Variants in GSE1 observed in about 807,000 individuals in gnomAD.
GSE1 encodes the protein Gse1 coiled-coil protein.
GSE1 carries 32 observed loss-of-function variants against 112.6 expected under a neutral mutation model. The observed-to-expected ratio is 0.28, with a 90% CI of 0.21 to 0.38. GSE1 has a LOEUF of 0.38. Ranked by LOEUF, GSE1 falls within the 10% of genes least tolerant of loss-of-function variation. The pLI is 1.00. For synonymous variants in GSE1, 1,115 were observed against 735.6 expected, an observed-to-expected ratio of 1.52 and a Z score of -8.35; for missense variants, 2,348 against 1,699.2, an observed-to-expected ratio of 1.38 and a Z score of -6.71.
At chr16:85,178,990 G>A (rs1389652292) in intron 1 of GSE1, among the ~76,000 whole-genome samples, 2 of 152,096 alleles carry the variant, frequency 1.3e-5, no homozygotes, top group Admixed American at 6.5e-5. Flanking sequence ...GGTTTTTGTT[G>A]TTGTTTTAAT....
intron 2 of GSE1, among the ~76,000 whole-genome samples, chr16:85,379,147 G>A (rs1448170162): frequency 6.6e-6 from 1 of 152,168 alleles, no homozygotes; most frequent in Non-Finnish European, 1.5e-5. Flanking sequence ...CCGGGGCCCG[G>A]CCTACCTCTT....
intron 1 of GSE1, among the ~76,000 whole-genome samples, chr16:85,587,024 C>T (rs1004306647): frequency 1.1e-4 from 17 of 152,204 alleles, no homozygotes; most frequent in South Asian, 2.1e-4. Context: ...TCGCATCACC[C>T]CTCTAAGATG....
At chr16:85,606,199 C>T (rs1258234070) in intron 1 of GSE1, among the ~76,000 whole-genome samples, 3 of 152,206 alleles carry the variant, frequency 2.0e-5, no homozygotes, top group Non-Finnish European at 4.4e-5. Context: ...CAGACCACTC[C>T]GGAACACATG....
At chr16:85,498,689 C>A (rs1485379275) in intron 2 of GSE1, among the ~76,000 whole-genome samples, 1 of 152,264 alleles carries the variant, frequency 6.6e-6, no homozygotes, top group African/African-American at 2.4e-5. Context: ...CGACAGCACA[C>A]AGTGGTGGCT....
intron 2 of GSE1, among the ~76,000 whole-genome samples, chr16:85,484,322 T>A (rs2050769925): frequency 6.6e-6 from 1 of 152,232 alleles, no homozygotes; most frequent in Admixed American, 6.5e-5. Context: ...AGGACTCAGA[T>A]GGGAGCCTGG....
chr16:85,593,179 G>A (rs575312495), intron 1 of GSE1: 3 of 152,330 alleles, frequency 2.0e-5, no homozygotes, highest in South Asian at 2.1e-4. Flanking sequence ...CTGGTCTATC[G>A]AGTGGGTCAT....
intron 2 of GSE1, among the ~76,000 whole-genome samples, chr16:85,420,942 G>A (rs1337397385): frequency 1.3e-5 from 2 of 152,160 alleles, no homozygotes; most frequent in African/African-American, 2.4e-5. Context: ...CCTGCAGGGG[G>A]CGCGCTGCAG....
chr16:85,375,885 A>C (rs992638967), intron 2 of GSE1, among the ~76,000 whole-genome samples: 15 of 152,196 alleles, frequency 9.9e-5, no homozygotes, highest in Non-Finnish European at 1.8e-4. Flanking sequence ...TCTCGTGCGC[A>C]TGTCAACTCC....
At chr16:85,391,781 GC>G (rs1464936935) in intron 2 of GSE1, among the ~76,000 whole-genome samples, 6 of 152,298 alleles carry the variant, frequency 3.9e-5, no homozygotes, top group East Asian at 3.9e-4. Context: ...TGGAGTAGAT[GC>G]TTGTGGGGCC....
chr16:85,192,658 G>A (rs1320643382), intron 1 of GSE1, among the ~76,000 whole-genome samples: 5 of 152,166 alleles, frequency 3.3e-5, no homozygotes, highest in East Asian at 1.9e-4. Flanking sequence ...GCCTAAGCTC[G>A]TCGGGCACTG....
At chr16:85,437,676 C>T (rs935925093) in intron 2 of GSE1, among the ~76,000 whole-genome samples, 1 of 152,182 alleles carries the variant, frequency 6.6e-6, no homozygotes, top group Admixed American at 6.5e-5. Flanking sequence ...TCCTGCCCCA[C>T]CTGGACCTGT....
At chr16:85,312,732 G>A (rs945277664) in intron 1 of GSE1, among the ~76,000 whole-genome samples, 1 of 151,962 alleles carries the variant, frequency 6.6e-6, no homozygotes, top group Non-Finnish European at 1.5e-5. Flanking sequence ...GAGGAGAGGA[G>A]GAGGCGGACG....
chr16:85,584,443 G>C (rs1350677418), intron 1 of GSE1, among the ~76,000 whole-genome samples: 1 of 152,218 alleles, frequency 6.6e-6, no homozygotes, highest in South Asian at 2.1e-4. Flanking sequence ...GTTTGTTTCA[G>C]TAATTTACAC....
chr16:85,565,589 G>A (rs1598204599), intron 1 of GSE1, among the ~76,000 whole-genome samples: 1 of 152,162 alleles, frequency 6.6e-6, no homozygotes, highest in Non-Finnish European at 1.5e-5. Context: ...GAGAGAAGGG[G>A]AAGGGTGAGA....
At chr16:85,528,872 G>A (rs1175943350) in intron 2 of GSE1, among the ~76,000 whole-genome samples, 2 of 152,184 alleles carry the variant, frequency 1.3e-5, no homozygotes, top group Non-Finnish European at 2.9e-5. Flanking sequence ...AAAAAGGGAA[G>A]AGCTGGTGCA....
At chr16:85,174,159 G>C (rs1277684249) in intron 1 of GSE1, among the ~76,000 whole-genome samples, 1 of 152,196 alleles carries the variant, frequency 6.6e-6, no homozygotes, top group African/African-American at 2.4e-5. Context: ...GGGGTGACCT[G>C]TTCAGCCTCC....
chr16:85,200,484 G>A (rs1194582704), intron 1 of GSE1, among the ~76,000 whole-genome samples: 1 of 152,096 alleles, frequency 6.6e-6, no homozygotes, highest in Admixed American at 6.5e-5. Context: ...CTCTTATGCA[G>A]TGGAGGCAGA....
At chr16:85,430,579 CAGCGGCG>C (rs2049095686) in intron 2 of GSE1, among the ~76,000 whole-genome samples, 1 of 152,214 alleles carries the variant, frequency 6.6e-6, no homozygotes. Context: ...TGGAGCCACA[CAGCGGCG>C]TTCAGCCCTC....
chr16:85,471,933 G>C (rs2050308293), intron 2 of GSE1, among the ~76,000 whole-genome samples: 1 of 152,208 alleles, frequency 6.6e-6, no homozygotes, highest in African/African-American at 2.4e-5. Flanking sequence ...CCCCTCATGG[G>C]GGAAATCTGA....
Sources: allele counts gnomAD v4.1 joint callset (sites outside exome capture counted in the v4.1 genomes callset), GRCh38; gene constraint gnomAD v4.1.1; transcripts MANE v1.5; gene names NCBI Gene and HGNC (gene_info 2026-07-23, HGNC 2026-07-21).